The following SLC8A1 variants were observed in gnomAD, a reference collection of about 807,000 sequenced individuals.
The protein encoded by SLC8A1 is solute carrier family 8 member A1, also known as sodium/calcium exchanger 1.
Under a neutral mutation model 68.3 loss-of-function variants are expected in SLC8A1, and 18 were observed. The observed-to-expected ratio is 0.26, with a 90% CI of 0.18 to 0.39. The LOEUF (loss-of-function observed/expected upper bound fraction) is 0.39. SLC8A1 is among the 10% of genes least tolerant of loss of function. SLC8A1 has a pLI of 1.00. For missense variants in SLC8A1, 985 were observed against 1,156.7 expected (o/e 0.85, Z 2.15); for synonymous variants, 475 against 415.5 (o/e 1.14, Z -1.74).
chr2:40,148,413 C>A (rs975857498), intron 6 of SLC8A1, among the ~76,000 whole-genome samples: 1 of 152,208 alleles, frequency 6.6e-6, no homozygotes, highest in African/African-American at 2.4e-5. Context: ...TTCCTGATCT[C>A]AGGATCTCCT....
At chr2:40,371,096 A>G (rs1382132366) in intron 2 of SLC8A1, among the ~76,000 whole-genome samples, 2 of 152,068 alleles carry the variant, frequency 1.3e-5, no homozygotes, top group Non-Finnish European at 2.9e-5. Flanking sequence ...TTTCTAGCAA[A>G]ATAATGCCTA....
chr2:40,409,173 C>T (rs1286915820), intron 2 of SLC8A1, among the ~76,000 whole-genome samples: 2 of 152,086 alleles, frequency 1.3e-5, no homozygotes, highest in Non-Finnish European at 2.9e-5. Context: ...CTGCAATAGT[C>T]ACATCGGTAC....
chr2:40,218,645 C>T (rs1198445934), intron 2 of SLC8A1, among the ~76,000 whole-genome samples: 3 of 151,546 alleles, frequency 2.0e-5, no homozygotes, highest in Non-Finnish European at 4.4e-5. Flanking sequence ...TAGACCTTAG[C>T]TTATGTACTT....
chr2:40,447,652 C>T (rs1701700013), intron 1 of SLC8A1, among the ~76,000 whole-genome samples: 1 of 151,364 alleles, frequency 6.6e-6, no homozygotes, highest in Non-Finnish European at 1.5e-5. Context: ...ATGGTAGCTC[C>T]TTCTCGGATA....
chr2:40,461,342 C>T (rs1288379074), intron 1 of SLC8A1, among the ~76,000 whole-genome samples: 2 of 152,090 alleles, frequency 1.3e-5, no homozygotes, highest in African/African-American at 4.8e-5. Context: ...TATTATTGTG[C>T]CTAACTTCTC....
intron 2 of SLC8A1, among the ~76,000 whole-genome samples, chr2:40,353,978 C>T (rs1323493239): frequency 6.6e-6 from 1 of 152,184 alleles, no homozygotes; most frequent in East Asian, 1.9e-4. Context: ...AGTGGTTGAT[C>T]CAATCAACAC....
chr2:40,434,324 G>A (rs1395527100), intron 1 of SLC8A1, among the ~76,000 whole-genome samples: 1 of 152,202 alleles, frequency 6.6e-6, no homozygotes, highest in African/African-American at 2.4e-5. Context: ...CAATTGGAAA[G>A]AACTCTCTGG....
At chr2:40,386,707 T>C (rs1251994857) in intron 2 of SLC8A1, among the ~76,000 whole-genome samples, 1 of 150,716 alleles carries the variant, frequency 6.6e-6, no homozygotes, top group Non-Finnish European at 1.5e-5. Flanking sequence ...AGTAAGTCCA[T>C]ATATTCATGT....
At chr2:40,487,957 C>T (rs1350995642) in intron 1 of SLC8A1, among the ~76,000 whole-genome samples, 3 of 152,072 alleles carry the variant, frequency 2.0e-5, no homozygotes, top group Non-Finnish European at 4.4e-5. Context: ...TACTACCAGC[C>T]ACAGGGAAAG....
rs1330219942 is a variant in SLC8A1, at chr2:40,415,775, G to C, written c.1808+12698C>G. 5.9e-5 allele frequency among the ~76,000 whole-genome samples: 9 copies of C among 151,750 alleles called. No homozygotes were observed. The East Asian group carries it at 1.6e-3, about 26-fold the overall frequency. ...GGTGGGTCACCTGAGGTCAGAGTTA[G>C]AGACCAGGGGTGGGTCACACCTGAG... On this transcript the variant is annotated intron_variant, in intron 2 of 7. Transcript: ENST00000406785.
chr2:40,098,135 G>A (rs1436051141), exon 8 of SLC8A1: 1 of 151,844 alleles, frequency 6.6e-6, no homozygotes, highest in Non-Finnish European at 1.5e-5. Flanking sequence ...CATACTTATA[G>A]TCCTAAAGGA....
intron 2 of SLC8A1, among the ~76,000 whole-genome samples, chr2:40,329,134 A>G (rs2076155227): frequency 6.6e-6 from 1 of 151,984 alleles, no homozygotes; most frequent in African/African-American, 2.4e-5. Context: ...CTGAAAACAG[A>G]CAAACTTTCA....
intron 2 of SLC8A1, among the ~76,000 whole-genome samples, chr2:40,334,791 G>A (rs1035230604): frequency 2.0e-5 from 3 of 152,086 alleles, no homozygotes; most frequent in African/African-American, 2.4e-5. Context: ...TTTGCATCTG[G>A]GACATTTAAA....
intron 2 of SLC8A1, among the ~76,000 whole-genome samples, chr2:40,370,465 G>C (rs1308711824): frequency 6.6e-6 from 1 of 152,038 alleles, no homozygotes; most frequent in East Asian, 1.9e-4. Flanking sequence ...CTTTCCTAGT[G>C]TTGTTTTAAA....
chr2:40,460,684 C>T (rs770950579), intron 1 of SLC8A1, among the ~76,000 whole-genome samples: 2 of 152,008 alleles, frequency 1.3e-5, no homozygotes, highest in East Asian at 1.9e-4. Flanking sequence ...GATTCTCCTG[C>T]CCCAGCCTCC....
At chr2:40,291,813 T>A (rs1420009954) in intron 2 of SLC8A1, among the ~76,000 whole-genome samples, 1 of 152,086 alleles carries the variant, frequency 6.6e-6, no homozygotes, top group African/African-American at 2.4e-5. Flanking sequence ...TTTCATTAGA[T>A]GAGCTAAAAT....
upstream of SLC8A1, among the ~76,000 whole-genome samples, chr2:40,455,564 C>CAT (rs35310892): frequency 0.5 from 73,112 of 147,100 alleles, 18,442 homozygotes; most frequent in Middle Eastern, 0.56. Flanking sequence ...TACATAATAG[C>CAT]CCCTAGCCTG....
intron 2 of SLC8A1, among the ~76,000 whole-genome samples, chr2:40,323,019 A>G (rs1302084752): frequency 1.3e-5 from 2 of 152,170 alleles, no homozygotes; most frequent in African/African-American, 4.8e-5. Flanking sequence ...TAATTTTTAT[A>G]ATTTAAAATT....
intron 2 of SLC8A1, among the ~76,000 whole-genome samples, chr2:40,381,119 G>T (rs563366771): frequency 6.6e-6 from 1 of 152,146 alleles, no homozygotes; most frequent in East Asian, 1.9e-4. Flanking sequence ...TTTCTAGATT[G>T]TATATCCACA....
Sources: gnomAD v4.1 joint callset for allele counts (sites outside exome capture counted in the v4.1 genomes callset) on GRCh38, gnomAD v4.1.1 for gene constraint, MANE v1.5 for transcripts, NCBI Gene and HGNC (gene_info 2026-07-23, HGNC 2026-07-21) for gene names.